The following KCNMA1 variants were observed in gnomAD, a reference collection of about 807,000 sequenced individuals.
The protein encoded by KCNMA1 is Calcium-activated potassium channel subunit alpha-1.
KCNMA1 carries 29 observed loss-of-function variants against 140.0 expected under a neutral mutation model. The ratio of observed to expected loss-of-function variants is 0.21; its 90% CI spans 0.15 to 0.28. KCNMA1 has a LOEUF of 0.28. Among genes scored for constraint, KCNMA1 ranks in the 10% least tolerant of loss-of-function variants. KCNMA1 has a pLI of 1.00. For missense variants in KCNMA1, 880 were observed against 1,602.2 expected (o/e 0.55, Z 7.70); for synonymous variants, 612 against 611.9 (o/e 1.00, Z 0.00).
chr10:77,515,974 G>A (rs373888519), intron 1 of KCNMA1, among the ~76,000 whole-genome samples: 18 of 152,176 alleles, frequency 1.2e-4, no homozygotes, highest in African/African-American at 2.9e-4. Flanking sequence ...TGCAGCCAGC[G>A]CAGATCTTGG....
chr10:77,580,706 G>C (rs1380017653), intron 1 of KCNMA1, among the ~76,000 whole-genome samples: 2 of 152,184 alleles, frequency 1.3e-5, no homozygotes, highest in African/African-American at 4.8e-5. Flanking sequence ...AGAGTCCCAA[G>C]CCATAGCAGC....
intron 1 of KCNMA1, among the ~76,000 whole-genome samples, chr10:77,504,057 A>G (rs947853883): frequency 6.6e-6 from 1 of 152,112 alleles, no homozygotes; most frequent in Non-Finnish European, 1.5e-5. Context: ...CCACATAGGG[A>G]TACAATTGGG....
At chr10:77,466,559 T>A (rs150123046) in intron 1 of KCNMA1, among the ~76,000 whole-genome samples, 2 of 152,192 alleles carry the variant, frequency 1.3e-5, no homozygotes, top group African/African-American at 4.8e-5. Flanking sequence ...CACAAACAAA[T>A]ACTACATATT....
At position 76,885,205 on chromosome 10, in the gene KCNMA1, TTA is replaced by T. The variant is rs1320616283; in HGVS notation, c.*2059_*2060del. On this transcript the variant is annotated 3_prime_UTR_variant, in exon 28 of 28. Transcript: ENST00000286628. ...AATACTAGGGGATACATATATATAG[TTA>T]TATATATAGTTATATATATATAATT... The T allele has an allele frequency of 3.2e-6, 2 of 625,712 alleles. No individual in the cohort carries two copies. Among genetic ancestry groups the T allele is most frequent in the East Asian group, 9.1e-5 (1 of 11,014 alleles). The allele number at this position is 625,712 out of a possible 1,614,324, so 38.8% of individuals were successfully genotyped here. A position where few individuals can be genotyped will look rare whatever the true frequency, so the allele number is the denominator to read the frequency against.
At chr10:77,007,653 G>GTGTGTGTATATATATATATATATATATA in intron 18 of KCNMA1, among the ~76,000 whole-genome samples, 6,670 of 85,804 alleles carry the variant, frequency 0.078, 713 homozygotes, top group Non-Finnish European at 0.12. Flanking sequence ...TTGTGTGTGT[G>GTGTGTGTATATATATATATATATATATA]TATATATATA....
chr10:77,616,805 C>CA (rs112798861), intron 1 of KCNMA1, among the ~76,000 whole-genome samples: 1,451 of 120,944 alleles, frequency 0.012, 6 homozygotes, highest in Middle Eastern at 0.04. Flanking sequence ...AGCTCCATCT[C>CA]AAAAAAAAAA....
At chr10:77,077,918 T>C (rs1411074816) in intron 13 of KCNMA1, 1 of 152,230 alleles carries the variant, frequency 6.6e-6, no homozygotes, top group Admixed American at 6.5e-5. Context: ...ACCAAATCCG[T>C]TGGCTGGAGA....
At chr10:77,368,389 C>T (rs1488951457) in intron 2 of KCNMA1, among the ~76,000 whole-genome samples, 1 of 152,172 alleles carries the variant, frequency 6.6e-6, no homozygotes, top group Non-Finnish European at 1.5e-5. Context: ...AGTTGGGTAG[C>T]TTGTTCTCTT....
intron 13 of KCNMA1, among the ~76,000 whole-genome samples, chr10:77,074,311 G>T (rs941078959): frequency 6.6e-6 from 1 of 152,156 alleles, no homozygotes; most frequent in Admixed American, 6.5e-5. Flanking sequence ...CCAGATCAAG[G>T]GAAATGAACA....
intron 2 of KCNMA1, among the ~76,000 whole-genome samples, chr10:77,296,908 T>TTGGG (rs1555163764): frequency 1.2e-5 from 1 of 80,262 alleles, no homozygotes; most frequent in African/African-American, 3.6e-5. Flanking sequence ...CCTGGGTGTG[T>TTGGG]GGGCGGGGGG....
chr10:77,395,084 C>T (rs1398674914), intron 2 of KCNMA1, among the ~76,000 whole-genome samples: 1 of 152,170 alleles, frequency 6.6e-6, no homozygotes, highest in East Asian at 1.9e-4. Context: ...TGGTGGCTCA[C>T]ATCTGTAATC....
At chr10:77,302,453 C>T (rs577560591) in intron 2 of KCNMA1, among the ~76,000 whole-genome samples, 1 of 152,254 alleles carries the variant, frequency 6.6e-6, no homozygotes, top group African/African-American at 2.4e-5. Flanking sequence ...TGCTCGGGTC[C>T]AGGCCCACTG....
In KCNMA1 at chr10:77,110,160, G is replaced by T. The variant is rs886047268; in HGVS notation, c.1131+13C>A. The T allele has an allele frequency of 7.5e-6, 12 of 1,607,688 alleles. No homozygotes were observed. The South Asian group carries it at 7.7e-5, about 10-fold the overall frequency. The stretch of plus-strand genomic sequence containing the variant: ...CCATCAAAATCAACATCATAATAAA[G>T]ATTTTTTTTTACCAGTCCCCCGAGG... On this transcript the variant is annotated intron_variant, in intron 8 of 27. Transcript: ENST00000286628.
At chr10:76,926,547 T>C (rs2057741270) in intron 23 of KCNMA1, among the ~76,000 whole-genome samples, 1 of 152,196 alleles carries the variant, frequency 6.6e-6, no homozygotes, top group African/African-American at 2.4e-5. Flanking sequence ...GGTCAACTCC[T>C]ACCTCTCTGT....
chr10:77,162,317 A>G (rs1437145437), intron 5 of KCNMA1, among the ~76,000 whole-genome samples: 1 of 152,206 alleles, frequency 6.6e-6, no homozygotes, highest in Non-Finnish European at 1.5e-5. Flanking sequence ...GGAATTCCCA[A>G]AAGGATTCTG....
At chr10:77,561,878 C>T (rs949649125) in intron 1 of KCNMA1, among the ~76,000 whole-genome samples, 11 of 152,182 alleles carry the variant, frequency 7.2e-5, no homozygotes, top group African/African-American at 2.7e-4. Flanking sequence ...CCACTGCAAA[C>T]AGCCAAGATA....
rs527571362 is a variant in KCNMA1 at position 77,600,980 on chromosome 10, A to G, written c.378+36285T>C. 3.9e-5 allele frequency among the ~76,000 whole-genome samples: 6 copies of G among 152,270 alleles called. No individual in the cohort carries two copies. In the South Asian group the frequency reaches 1.2e-3, roughly 32 times the overall value. On this transcript the variant is annotated intron_variant, in intron 1 of 27. Transcript: ENST00000286628. ...GTGACAGCCACATAATGGGCACTTA[A>G]TGATTCTCCCCAGATTCAGATGGTC... is the stretch of plus-strand genomic sequence containing the variant.
intron 9 of KCNMA1, among the ~76,000 whole-genome samples, chr10:77,100,369 G>A (rs143542898): frequency 6.6e-6 from 1 of 152,006 alleles, no homozygotes; most frequent in African/African-American, 2.4e-5. Context: ...TGTTAGAAAG[G>A]TACAAGGAGG....
At chr10:77,628,024 C>T in intron 1 of KCNMA1, among the ~76,000 whole-genome samples, 1 of 151,986 alleles carries the variant, frequency 6.6e-6, no homozygotes, top group Non-Finnish European at 1.5e-5. Flanking sequence ...CCCCCAGCCC[C>T]AGTTCACTCC....
Sources: allele counts gnomAD v4.1 joint callset (sites outside exome capture counted in the v4.1 genomes callset), GRCh38; gene constraint gnomAD v4.1.1; transcripts MANE v1.5; gene names NCBI Gene and HGNC (gene_info 2026-07-23, HGNC 2026-07-21).